EEF1AKMT3: variants seen among roughly 807,000 people sequenced by gnomAD.
The protein encoded by EEF1AKMT3 is eEF1A-KMT3.
Under a neutral mutation model 17.8 loss-of-function variants are expected in EEF1AKMT3, and 17 were observed. The observed-to-expected ratio is 0.96, with a 90% confidence interval of 0.65 to 1.43. The LOEUF is 1.43. EEF1AKMT3 is among the 40% of genes most tolerant of loss of function. The probability of loss-of-function intolerance (pLI) is 0.00; values close to 1 mark genes in which losing one functional copy is unlikely to be tolerated. For synonymous variants in EEF1AKMT3, 116 were observed against 126.5 expected, an observed-to-expected ratio of 0.92 and a Z score of 0.56; for missense variants, 244 against 285.8, an observed-to-expected ratio of 0.85 and a Z score of 1.06.
chr12:57,780,648 A>G lies in EEF1AKMT3; in HGVS notation c.*2A>G. Reference sequence around the variant, plus strand: ...CACAGGGAACCAAGACCTGCTTGACATCACCCTTGCTGTTCTTCTCAATCT... The same window carrying G: ...CACAGGGAACCAAGACCTGCTTGACGTCACCCTTGCTGTTCTTCTCAATCT... On this transcript the variant is annotated 3_prime_UTR_variant, in exon 3 of 3. Transcript: ENST00000300209. 1 of 1,605,228 alleles carries G rather than the reference A, an allele frequency of 6.2e-7. No individual in the cohort carries two copies.
At position 57,781,691 on chromosome 12, in the gene EEF1AKMT3, C is replaced by G. The variant is rs1955516912; in HGVS notation, c.*1045C>G. 6.6e-6 allele frequency: 1 copy of G among 152,208 alleles called. No individual in the cohort carries two copies. Among genetic ancestry groups the G allele is most frequent in the South Asian group, 2.1e-4 (1 of 4,830 alleles). The allele number at this position is 152,208 out of a possible 1,614,324, so 9.4% of individuals were successfully genotyped here. On this transcript the variant is annotated 3_prime_UTR_variant, in exon 3 of 3. Coordinates refer to ENST00000300209, the MANE Select transcript of EEF1AKMT3 (RefSeq NM_015433.3). ...TCTTTAGCTTCATCAGTCCTTCCTTCCTAATCTCTAATCCCCTGAAGCCTA... is the reference window on the plus strand; with the variant it reads ...TCTTTAGCTTCATCAGTCCTTCCTTGCTAATCTCTAATCCCCTGAAGCCTA...
At chr12:57,775,179 G>A (rs1222055655) in intron 2 of EEF1AKMT3, among the ~76,000 whole-genome samples, 1 of 151,320 alleles carries the variant, frequency 6.6e-6, no homozygotes, top group South Asian at 2.1e-4. Context: ...AAGCATGGGT[G>A]GATGCAGGCA....
At chr12:57,774,844 G>A (rs1955470028) in intron 2 of EEF1AKMT3, 2 of 1,408,264 alleles carry the variant, frequency 1.4e-6, no homozygotes, top group Admixed American at 4.1e-5. Context: ...GGTGGCTCAT[G>A]CCTATAATCC....
intron 2 of EEF1AKMT3, 90 bp from the exon 3 acceptor site, chr12:57,780,165 T>C (rs1955503299): frequency 6.6e-7 from 1 of 1,508,974 alleles, no homozygotes; most frequent in Admixed American, 2.2e-5. Flanking sequence ...TTGTCCTCTA[T>C]GCTCTGAGGT....
At position 57,780,271 on chromosome 12, in the gene EEF1AKMT3, C is replaced by CCCCCTGGCCTAGA. The variant is rs749367771; in HGVS notation, c.306_307insCCCCTGGCCTAGA (p.Thr103ProfsTer4). 30 of 1,613,354 alleles carry CCCCCTGGCCTAGA rather than the reference C, an allele frequency of 1.9e-5. No individual in the cohort carries two copies. The African/African-American group carries it at 3.5e-4, about 19-fold the overall frequency. ...CTCTCTCAGGGGGGGATGTTACCATCACTGACCTGCCCCTGGCCCTAGAAC... is the reference window on the plus strand; with the variant it reads ...CTCTCTCAGGGGGGGATGTTACCATCCCCCTGGCCTAGAACTGACCTGCCCCTGGCCCTAGAAC... On this transcript the variant is annotated stop_gained and frameshift_variant, in exon 3 of 3. Coordinates refer to ENST00000300209, the MANE Select transcript of EEF1AKMT3 (RefSeq NM_015433.3). LOFTEE classifies it high-confidence loss of function.
intron 2 of EEF1AKMT3, among the ~76,000 whole-genome samples, chr12:57,773,616 A>T (rs930194597): frequency 6.6e-6 from 1 of 151,958 alleles, no homozygotes; most frequent in Non-Finnish European, 1.5e-5. Flanking sequence ...TTAGTAGAAG[A>T]CGTTTCACCA....
Position 57,772,621 on chromosome 12 carries a change from C to A in EEF1AKMT3, c.-104C>A. On this transcript the variant is annotated 5_prime_UTR_variant, in exon 1 of 3. Transcript: ENST00000300209. The surrounding 1 kb of genome is among the most constrained non-coding windows in gnomAD (Gnocchi z 4.1). ...CAAACTCAGGGAGGCGGGGCTCGTT[C>A]CACAGGGACACCACGACGGCTCGCG... 1 of 1,294,778 alleles carries A rather than the reference C, an allele frequency of 7.7e-7. No homozygotes were observed. Among genetic ancestry groups the A allele is most frequent in the Non-Finnish European group, 1.0e-6 (1 of 957,098 alleles). 80.2% of individuals were successfully genotyped at this position (1,294,778 alleles called of 1,614,324 possible). A position where few individuals can be genotyped will look rare whatever the true frequency, so the allele number is the denominator to read the frequency against.
intron 2 of EEF1AKMT3, among the ~76,000 whole-genome samples, chr12:57,778,274 A>G (rs986774118): frequency 8.3e-5 from 9 of 107,808 alleles, no homozygotes; most frequent in African/African-American, 2.6e-4. Flanking sequence ...CAGGCCAAAC[A>G]CCCAGAAACC....
At chr12:57,777,406 C>T (rs1205299131) in intron 2 of EEF1AKMT3, among the ~76,000 whole-genome samples, 8 of 152,098 alleles carry the variant, frequency 5.3e-5, no homozygotes, top group South Asian at 2.1e-4. Flanking sequence ...TCCTTCAATC[C>T]AATTGTTCTA....
At position 57,780,862 on chromosome 12, in the gene EEF1AKMT3, G is replaced by A. The variant is rs1034954461; in HGVS notation, c.*216G>A. ...GAATCCCAGAGTTCTGGCAGCACTA[G>A]TGTTAGAACACCAAGGAGGTTCCTG... On this transcript the variant is annotated 3_prime_UTR_variant, in exon 3 of 3. Coordinates refer to ENST00000300209, the MANE Select transcript of EEF1AKMT3 (RefSeq NM_015433.3). 3.2e-5 allele frequency: 20 copies of A among 617,086 alleles called. No individual in the cohort carries two copies. In the African/African-American group the frequency reaches 3.5e-4, roughly 11 times the overall value. The allele number at this position is 617,086 out of a possible 1,614,324, so 38.2% of individuals were successfully genotyped here.
In EEF1AKMT3 at chr12:57,772,907, G is replaced by A. The variant is rs770342720; in HGVS notation, c.177+6G>A. On this transcript the variant is annotated splice_donor_region_variant and intron_variant, in intron 1 of 2. Coordinates refer to ENST00000300209, the MANE Select transcript of EEF1AKMT3 (RefSeq NM_015433.3). This position sits in a 1 kb window ranked among gnomAD's most constrained non-coding sequence, Gnocchi z 4.1. ...CGGCGCGCGTGTGGGACGCGGTGAGGAATGGGCTGCGCCGGGTGAGGGTCC... is the reference window on the plus strand; with the variant it reads ...CGGCGCGCGTGTGGGACGCGGTGAGAAATGGGCTGCGCCGGGTGAGGGTCC... The A allele has an allele frequency of 1.1e-5, 17 of 1,613,860 alleles. No homozygotes were observed. The South Asian group carries it at 1.8e-4, about 17-fold the overall frequency.
chr12:57,778,733 CCAT>C (rs1955495271), intron 2 of EEF1AKMT3, among the ~76,000 whole-genome samples: 1 of 152,156 alleles, frequency 6.6e-6, no homozygotes, highest in Non-Finnish European at 1.5e-5. Context: ...CTGGTTTAAA[CCAT>C]CATCATCTCT....
intron 2 of EEF1AKMT3, among the ~76,000 whole-genome samples, chr12:57,778,292 G>GGTTTTTTTTTTTTTTTT (rs78304489): frequency 4.3e-4 from 1 of 2,302 alleles, no homozygotes; most frequent in African/African-American, 1.7e-3. Context: ...ACCATCCTGA[G>GGTTTTTTTTTTTTTTTT]CTTTTTTTTT....
At chr12:57,778,897 T>C (rs1422369157) in intron 2 of EEF1AKMT3, among the ~76,000 whole-genome samples, 1 of 152,108 alleles carries the variant, frequency 6.6e-6, no homozygotes, top group Non-Finnish European at 1.5e-5. Context: ...CTTGCACTTG[T>C]TGCCCAGGTC....
Position 57,772,740 on chromosome 12 carries a change from C to T in EEF1AKMT3, c.16C>T (p.Pro6Ser), listed in dbSNP as rs776673319. 1.9e-6 allele frequency: 3 copies of T among 1,613,422 alleles called. No individual in the cohort carries two copies. Among genetic ancestry groups the T allele is most frequent in the Admixed American group, 1.7e-5 (1 of 59,980 alleles). MADPGPDPESESESVF... is the reference protein window; with the variant it reads MADPGSDPESESESVF... ...GGCGGGCCGGATGGCGGACCCCGGC[C>T]CAGATCCCGAATCTGAGTCGGAATC... The change falls in exon 1 of 3, where the codon CCA becomes TCA. Residue 6 changes from proline (P) to serine (S), a missense_variant. Transcript: ENST00000300209. The surrounding 1 kb of genome is among the most constrained non-coding windows in gnomAD (Gnocchi z 4.1).
At chr12:57,774,183 A>T (rs547494667) in intron 2 of EEF1AKMT3, among the ~76,000 whole-genome samples, 1 of 152,370 alleles carries the variant, frequency 6.6e-6, no homozygotes, top group South Asian at 2.1e-4. Context: ...GAACTAGGTC[A>T]TATTAAGGGA....
chr12:57,777,626 A>G (rs1028193672), intron 2 of EEF1AKMT3, among the ~76,000 whole-genome samples: 1 of 152,076 alleles, frequency 6.6e-6, no homozygotes, highest in Non-Finnish European at 1.5e-5. Context: ...CATCTTCACA[A>G]CTGAAAATGT....
chr12:57,776,511 G>C (rs945886043), intron 2 of EEF1AKMT3, among the ~76,000 whole-genome samples: 8 of 152,116 alleles, frequency 5.3e-5, no homozygotes, highest in African/African-American at 1.9e-4. Flanking sequence ...CAGCTAGCCT[G>C]GTACATTCTC....
chr12:57,774,710 A>C (rs149883688), intron 2 of EEF1AKMT3: 6 of 1,613,102 alleles, frequency 3.7e-6, no homozygotes, highest in Non-Finnish European at 5.1e-6. Context: ...GCCTGTGGAC[A>C]TGCTCTATCC....
Sources: allele counts gnomAD v4.1 joint callset (sites outside exome capture counted in the v4.1 genomes callset), GRCh38; gene constraint gnomAD v4.1.1; non-coding constraint Gnocchi (gnomAD v3.1); transcripts MANE v1.5; gene names NCBI Gene and HGNC (gene_info 2026-07-23, HGNC 2026-07-21).